The following FGF10 variants were observed in gnomAD, a reference collection of about 807,000 sequenced individuals.
FGF10 encodes fibroblast growth factor 10, also known as FGF-10.
A neutral mutation model predicts 19.8 loss-of-function variants in FGF10; 2 were observed. The ratio of observed to expected loss-of-function variants is 0.10; its 90% CI spans 0.04 to 0.32. The LOEUF is 0.32. Ranked by LOEUF, FGF10 falls within the 10% of genes least tolerant of loss-of-function variation. The pLI, the probability that FGF10 is intolerant of heterozygous loss-of-function variation, is 1.00. For missense variants in FGF10, 191 were observed against 246.3 expected (o/e 0.78, Z 1.50); for synonymous variants, 112 against 94.0 (o/e 1.19, Z -1.10).
intron 1 of FGF10, among the ~76,000 whole-genome samples, chr5:44,325,976 T>C (rs1205647791): frequency 6.6e-6 from 1 of 152,210 alleles, no homozygotes; most frequent in African/African-American, 2.4e-5. Context: ...ACAGTCACTA[T>C]TATTCAATAG....
intron 2 of FGF10, among the ~76,000 whole-genome samples, chr5:44,307,736 G>C (rs950394687): frequency 2.0e-5 from 3 of 152,166 alleles, no homozygotes; most frequent in African/African-American, 7.2e-5. Flanking sequence ...TATTAGATAT[G>C]CACTTATAAA....
intron 1 of FGF10, among the ~76,000 whole-genome samples, chr5:44,322,363 T>C (rs896539599): frequency 6.6e-6 from 1 of 152,192 alleles, no homozygotes; most frequent in Admixed American, 6.5e-5. Context: ...GGATTTCTGA[T>C]ATGTTTTAAA....
chr5:44,335,527 A>C (rs1413115937), intron 1 of FGF10, among the ~76,000 whole-genome samples: 1 of 152,168 alleles, frequency 6.6e-6, no homozygotes, highest in Non-Finnish European at 1.5e-5. Context: ...TGACAAATAT[A>C]ATGTTTGGCA....
At chr5:44,368,440 T>C (rs549173281) in intron 1 of FGF10, among the ~76,000 whole-genome samples, 190 of 152,078 alleles carry the variant, frequency 1.2e-3, no homozygotes, top group African/African-American at 4.5e-3. Flanking sequence ...CTCCATGAAG[T>C]CTTTTGGGAC....
chr5:44,340,172 C>T (rs1024544979), intron 1 of FGF10, among the ~76,000 whole-genome samples: 17 of 152,044 alleles, frequency 1.1e-4, no homozygotes, highest in Non-Finnish European at 2.9e-5. Flanking sequence ...ATGACGGGAG[C>T]AGATGAGACT....
intron 1 of FGF10, among the ~76,000 whole-genome samples, 170 bp downstream of exon 1, chr5:44,388,188 T>C (rs1742149745): frequency 6.7e-6 from 1 of 149,210 alleles, no homozygotes; most frequent in Admixed American, 6.7e-5. Flanking sequence ...GGCAGCACAA[T>C]GTATACACGG....
chr5:44,305,145 A>G lies in FGF10; in HGVS notation c.477T>C (p.Asn159=), dbSNP rs199643576. 8 of 1,613,678 alleles carry G rather than the reference A, an allele frequency of 5.0e-6. No individual in the cohort carries two copies. The highest frequency in any genetic ancestry group is 1.1e-5 in the South Asian group (1 of 91,084). The change falls in exon 3 of 3, where the codon AAT becomes AAC. Residue 159 remains asparagine, a synonymous_variant. Transcript: ENST00000264664. ...TAAATGATGCATAGGTATTGTATCC[A>G]TTTTCCTCTATCCTCTCCTTCAGCT... is the stretch of plus-strand genomic sequence containing the variant. The part of the protein sequence containing the change: ...DCKLKERIEE[N]GYNTYASFNW...
At chr5:44,329,888 G>T (rs1453398313) in intron 1 of FGF10, among the ~76,000 whole-genome samples, 2 of 152,098 alleles carry the variant, frequency 1.3e-5, no homozygotes, top group African/African-American at 4.8e-5. Flanking sequence ...CCTATAATAG[G>T]CAGCCTGGCT....
chr5:44,335,309 G>A (rs1740822086), intron 1 of FGF10, among the ~76,000 whole-genome samples: 1 of 151,926 alleles, frequency 6.6e-6, no homozygotes, highest in Non-Finnish European at 1.5e-5. Context: ...GCATGCCCAA[G>A]TAGACTGGAG....
rs140436365 is a variant in FGF10 at position 44,302,623 on chromosome 5, C to T, written c.*2372G>A. Among the ~76,000 whole-genome samples, 329 of 152,262 alleles carry T rather than the reference C, an allele frequency of 2.2e-3. 2 individuals carry two copies. The highest frequency in any genetic ancestry group is 7.7e-3 in the African/African-American group (319 of 41,562). On this transcript the variant is annotated 3_prime_UTR_variant, in exon 3 of 3. Transcript: ENST00000264664. ...ACTCAAGCCATCTTCCCACAGTCTC[C>T]CAAACTGCTGGGATTACAGGTGTGA...
At chr5:44,358,162 T>C (rs1451739674) in intron 1 of FGF10, among the ~76,000 whole-genome samples, 1 of 151,438 alleles carries the variant, frequency 6.6e-6, no homozygotes, top group Non-Finnish European at 1.5e-5. Context: ...ATGGCAGAAG[T>C]TCCAACAGAT....
At chr5:44,343,152 A>T (rs947780154) in intron 1 of FGF10, among the ~76,000 whole-genome samples, 3 of 152,046 alleles carry the variant, frequency 2.0e-5, no homozygotes, top group Admixed American at 1.3e-4. Context: ...TCTACTTAAA[A>T]AATTTTTTTG....
chr5:44,336,661 C>G (rs35839783), intron 1 of FGF10, among the ~76,000 whole-genome samples: 1 of 151,972 alleles, frequency 6.6e-6, no homozygotes, highest in Admixed American at 6.6e-5. Flanking sequence ...TTTAAGCTTG[C>G]TAAGCCCAGT....
In FGF10 at chr5:44,366,677, T is replaced by G. The variant is rs187690052; in HGVS notation, c.325+21681A>C. Among the ~76,000 whole-genome samples the G allele has an allele frequency of 1.2e-3, 185 of 152,106 alleles. 1 individual carries two copies. The highest frequency in any genetic ancestry group is 4.2e-3 in the African/African-American group (175 of 41,524). Reference sequence around the variant, plus strand: ...TTGCCTTCAAAAGCAAAAAAGCAAATCTTCCATTAGTACAAGGTTCGCCAA... The same window carrying G: ...TTGCCTTCAAAAGCAAAAAAGCAAAGCTTCCATTAGTACAAGGTTCGCCAA... On this transcript the variant is annotated intron_variant, in intron 1 of 2. Transcript: ENST00000264664.
chr5:44,308,071 G>T (rs534340528), intron 2 of FGF10, among the ~76,000 whole-genome samples: 9 of 152,278 alleles, frequency 5.9e-5, no homozygotes, highest in African/African-American at 2.2e-4. Context: ...AGAAGACAGT[G>T]AACAACAAAC....
intron 1 of FGF10, among the ~76,000 whole-genome samples, chr5:44,313,082 G>T (rs1390222191): frequency 6.6e-6 from 1 of 151,930 alleles, no homozygotes; most frequent in East Asian, 1.9e-4. Flanking sequence ...GCTTAAAAAG[G>T]TTTAGCTATT....
intron 1 of FGF10, among the ~76,000 whole-genome samples, chr5:44,369,016 CTT>C: frequency 6.6e-6 from 1 of 152,016 alleles, no homozygotes; most frequent in Non-Finnish European, 1.5e-5. Flanking sequence ...TTTCCTATGA[CTT>C]TACAGGAGAT....
intron 1 of FGF10, among the ~76,000 whole-genome samples, chr5:44,366,774 T>C (rs1257014116): frequency 2.6e-5 from 4 of 152,208 alleles, no homozygotes; most frequent in South Asian, 4.1e-4. Context: ...TTTTATTTGA[T>C]AGTGTCTGGA....
chr5:44,342,797 T>C (rs1004276528), intron 1 of FGF10, among the ~76,000 whole-genome samples: 1 of 152,034 alleles, frequency 6.6e-6, no homozygotes, highest in African/African-American at 2.4e-5. Flanking sequence ...TGTCAGTCTC[T>C]CTGTTTTACA....
Sources: gnomAD v4.1 joint callset for allele counts (sites outside exome capture counted in the v4.1 genomes callset) on GRCh38, gnomAD v4.1.1 for gene constraint, MANE v1.5 for transcripts, NCBI Gene and HGNC (gene_info 2026-07-23, HGNC 2026-07-21) for gene names.